DTNA: variants seen among roughly 807,000 people sequenced by gnomAD.
DTNA encodes the protein dystrobrevin alpha, also known as dystrophin-related protein 3.
In DTNA, 43 loss-of-function variants were observed where a neutral mutation model predicts 100.7. The observed-to-expected ratio is 0.43, with a 90% CI of 0.33 to 0.55. DTNA has a LOEUF of 0.55. Ranked by LOEUF, DTNA falls within the 20% of genes least tolerant of loss-of-function variation. The probability of loss-of-function intolerance (pLI) is 0.04; values close to 1 mark genes in which losing one functional copy is unlikely to be tolerated. For missense variants in DTNA, 798 were observed against 953.9 expected (o/e 0.84, Z 2.15); for synonymous variants, 349 against 347.9 (o/e 1.00, Z -0.04).
intron 1 of DTNA, among the ~76,000 whole-genome samples, chr18:34,626,624 G>C (rs929166539): frequency 1.3e-5 from 2 of 152,140 alleles, no homozygotes; most frequent in African/African-American, 2.4e-5. Flanking sequence ...GTAGCAATCT[G>C]CATGACCTTA....
intron 13 of DTNA, among the ~76,000 whole-genome samples, chr18:34,840,389 T>C (rs1321968556): frequency 6.6e-6 from 1 of 152,138 alleles, no homozygotes; most frequent in African/African-American, 2.4e-5. Context: ...GAATTTTTTT[T>C]TAATTGTATT....
chr18:34,652,761 T>C lies in DTNA; in HGVS notation c.-1-103215T>C, dbSNP rs555142549. On this transcript the variant is annotated intron_variant, in intron 1 of 19. Transcript: ENST00000283365. ...CTCTCTTCTGTCTGCTGCCACTTTT[T>C]GTACTGCATGACAGCTAAGCAGTTA... Among the ~76,000 whole-genome samples the C allele has an allele frequency of 1.0e-3, 156 of 152,282 alleles. 2 individuals carry two copies. The South Asian group carries it at 0.02, about 20-fold the overall frequency.
At chr18:34,716,512 G>A (rs751020988) in intron 1 of DTNA, among the ~76,000 whole-genome samples, 8 of 151,274 alleles carry the variant, frequency 5.3e-5, no homozygotes, top group African/African-American at 1.5e-4. Context: ...GCAGTGAGCC[G>A]AGATCACACC....
chr18:34,663,886 G>A (rs920444625), intron 1 of DTNA, among the ~76,000 whole-genome samples: 3 of 152,118 alleles, frequency 2.0e-5, no homozygotes, highest in Admixed American at 1.3e-4. Flanking sequence ...ACATTTGGAA[G>A]ATCTGCTTTA....
At chr18:34,816,098 T>TAAC in intron 7 of DTNA, 84 bp downstream of exon 7, 2 of 1,386,498 alleles carry the variant, frequency 1.4e-6, no homozygotes, top group Non-Finnish European at 1.0e-6. Context: ...GCCCAGGCTG[T>TAAC]TGTTTTAGGG....
At chr18:34,556,443 T>G (rs541461338) in intron 1 of DTNA, among the ~76,000 whole-genome samples, 2 of 151,004 alleles carry the variant, frequency 1.3e-5, no homozygotes, top group African/African-American at 2.4e-5. Context: ...TGCTCGTTAG[T>G]TGATGCAGTT....
rs1343983185 is a variant in DTNA at position 34,794,072 on chromosome 18, T to C, written c.184T>C (p.Leu62=). Residue 62 remains leucine, a synonymous_variant, in exon 4 of 23, where the codon TTG becomes CTG. Coordinates refer to ENST00000444659, the MANE Select transcript of DTNA (RefSeq NM_001386795.1). The part of the protein sequence containing the change: ...LVDIWNVIEA[L]RENALNNLDP... Reference sequence around the variant, plus strand: ...GGACATATGGAATGTCATAGAAGCATTGCGGGAAAATGCTCTGAACAACCT... The same window carrying C: ...GGACATATGGAATGTCATAGAAGCACTGCGGGAAAATGCTCTGAACAACCT... The C allele has an allele frequency of 1.2e-6, 2 of 1,614,090 alleles. No individual in the cohort carries two copies. Among genetic ancestry groups the C allele is most frequent in the East Asian group, 2.2e-5 (1 of 44,864 alleles).
At chr18:34,854,360 A>G (rs2096527553) in intron 15 of DTNA, among the ~76,000 whole-genome samples, 1 of 152,170 alleles carries the variant, frequency 6.6e-6, no homozygotes, top group African/African-American at 2.4e-5. Context: ...GTTTTGTTTT[A>G]TTTTGGGTTT....
intron 1 of DTNA, among the ~76,000 whole-genome samples, chr18:34,588,872 T>A (rs78374495): frequency 1.3e-3 from 192 of 152,224 alleles, no homozygotes; most frequent in African/African-American, 4.3e-3. Context: ...ACATGCAAGC[T>A]GATTTTTAAC....
Position 34,816,030 on chromosome 18 carries a change from GGA to G in DTNA, c.709+18_709+19del. 1.2e-6 allele frequency: 2 copies of G among 1,607,216 alleles called. No homozygotes were observed. The highest frequency in any genetic ancestry group is 1.7e-6 in the Non-Finnish European group (2 of 1,173,848). The stretch of plus-strand genomic sequence containing the variant: ...GTGGAAAATGGTGAGTAGTTACTAA[GGA>G]GCAAAGGTGATTTTTTAAATTATTG... On this transcript the variant is annotated intron_variant, in intron 7 of 22. Coordinates refer to ENST00000444659, the MANE Select transcript of DTNA (RefSeq NM_001386795.1).
At chr18:34,726,490 C>A (rs886285371) in intron 1 of DTNA, among the ~76,000 whole-genome samples, 1 of 152,138 alleles carries the variant, frequency 6.6e-6, no homozygotes, top group Admixed American at 6.5e-5. Flanking sequence ...TTGCTTCCAA[C>A]GACAGTAATA....
chr18:34,501,172 T>C (rs1475493379), intron 1 of DTNA, among the ~76,000 whole-genome samples: 1 of 152,218 alleles, frequency 6.6e-6, no homozygotes, highest in Non-Finnish European at 1.5e-5. Flanking sequence ...AAATCACAAA[T>C]AAGTATTGAT....
chr18:34,644,238 A>G (rs2059595249), intron 1 of DTNA, among the ~76,000 whole-genome samples: 1 of 152,160 alleles, frequency 6.6e-6, no homozygotes, highest in South Asian at 2.1e-4. Flanking sequence ...GCAGAAATAA[A>G]GGAGATAGCC....
At chr18:34,875,108 C>T in intron 17 of DTNA, 131 bp from the exon 18 acceptor site, 1 of 1,344,354 alleles carries the variant, frequency 7.4e-7, no homozygotes, top group Admixed American at 2.2e-5. Flanking sequence ...GGATTACCAA[C>T]ACAATTACCT....
chr18:34,670,609 G>A (rs1407289877), intron 1 of DTNA, among the ~76,000 whole-genome samples: 1 of 152,134 alleles, frequency 6.6e-6, no homozygotes, highest in Non-Finnish European at 1.5e-5. Flanking sequence ...TGGTGTGGAT[G>A]TCCTTTCTGT....
intron 4 of DTNA, 55 bp from the exon 5 acceptor site, chr18:34,806,164 C>T: frequency 6.8e-7 from 1 of 1,475,940 alleles, no homozygotes; most frequent in Non-Finnish European, 9.4e-7. Context: ...CTCCAAATGA[C>T]ATCATGGTTT....
At position 34,607,296 on chromosome 18, in the gene DTNA, A is replaced by G. The variant is rs74993763; in HGVS notation, c.-2+113782A>G. Reference sequence around the variant, plus strand: ...TTAAACTAAGAGTTTCAAGAAATGTATTTCACATAAATTGATCACTCTGGA... The same window carrying G: ...TTAAACTAAGAGTTTCAAGAAATGTGTTTCACATAAATTGATCACTCTGGA... On this transcript the variant is annotated intron_variant, in intron 1 of 19. Coordinates refer to the DTNA transcript ENST00000283365. 6.6e-5 allele frequency among the ~76,000 whole-genome samples: 10 copies of G among 152,320 alleles called. No individual in the cohort carries two copies. The East Asian group carries it at 1.7e-3, about 26-fold the overall frequency.
chr18:34,724,786 G>T (rs1010793847), intron 1 of DTNA, among the ~76,000 whole-genome samples: 12 of 152,104 alleles, frequency 7.9e-5, no homozygotes, highest in African/African-American at 2.9e-4. Flanking sequence ...TCAGATCCTA[G>T]GCAAAAAGAA....
chr18:34,860,302 C>T (rs758208651), intron 16 of DTNA, among the ~76,000 whole-genome samples: 2 of 139,344 alleles, frequency 1.4e-5, no homozygotes, highest in Non-Finnish European at 3.0e-5. Context: ...CTCCTGACCT[C>T]GTGATCCACC....
Sources: allele counts gnomAD v4.1 joint callset (sites outside exome capture counted in the v4.1 genomes callset), GRCh38; gene constraint gnomAD v4.1.1; transcripts MANE v1.5; gene names NCBI Gene and HGNC (gene_info 2026-07-23, HGNC 2026-07-21).